The following IL1RAPL2 variants were observed in gnomAD, a reference collection of about 807,000 sequenced individuals.
The protein encoded by IL1RAPL2 is X-linked interleukin-1 receptor accessory protein-like 2.
A neutral mutation model predicts 44.1 loss-of-function variants in IL1RAPL2; 3 were observed. The ratio of observed to expected loss-of-function variants is 0.07; its 90% confidence interval spans 0.03 to 0.18. The LOEUF (loss-of-function observed/expected upper bound fraction) is 0.18, where lower values mean the gene tolerates loss of function less well. Ranked by LOEUF, IL1RAPL2 falls within the 10% of genes least tolerant of loss-of-function variation. The pLI is 1.00. For synonymous variants in IL1RAPL2, 181 were observed against 178.8 expected (o/e 1.01, Z -0.10); for missense variants, 391 against 496.4 (o/e 0.79, Z 2.02).
chrX:105,131,844 G>A (rs1478837280), intron 2 of IL1RAPL2, among the ~76,000 whole-genome samples: 1 of 111,426 alleles, frequency 9.0e-6, no homozygotes, highest in Non-Finnish European at 1.9e-5. Context: ...TCTCCAGAGA[G>A]GAAAAGTAAA....
intron 2 of IL1RAPL2, among the ~76,000 whole-genome samples, chrX:104,891,010 T>A (rs903625533): frequency 8.9e-6 from 1 of 112,200 alleles, no homozygotes; most frequent in Non-Finnish European, 1.9e-5. Flanking sequence ...TTCAGCTTTC[T>A]ACATATGGCT....
intron 5 of IL1RAPL2, among the ~76,000 whole-genome samples, chrX:105,411,849 A>G (rs930140877): frequency 6.2e-5 from 7 of 112,238 alleles, no homozygotes; most frequent in African/African-American, 2.3e-4. Flanking sequence ...ACTGCAGAAT[A>G]CACATTCTTC....
intron 2 of IL1RAPL2, among the ~76,000 whole-genome samples, chrX:104,894,914 G>GT (rs1406351470): frequency 8.9e-6 from 1 of 111,909 alleles, no homozygotes; most frequent in Non-Finnish European, 1.9e-5. Flanking sequence ...CATCTTTGTG[G>GT]TTTTATCTAC....
chrX:105,078,997 C>T (rs941719339), intron 2 of IL1RAPL2, among the ~76,000 whole-genome samples: 9 of 112,353 alleles, frequency 8.0e-5, no homozygotes, highest in Admixed American at 2.8e-4. Context: ...GGCGATGCCT[C>T]GCCCTGCTTC....
rs191147494 is a variant in IL1RAPL2, at chrX:105,147,562, G to A, written c.83-47913G>A. Among the ~76,000 whole-genome samples the A allele has an allele frequency of 2.7e-5, 3 of 111,486 alleles. No individual in the cohort carries two copies. The East Asian group carries it at 8.6e-4, about 32-fold the overall frequency. On this transcript the variant is annotated intron_variant, in intron 2 of 10. Transcript: ENST00000372582. Reference sequence around the variant, plus strand: ...ACTTTCTCTTTCTATGCCTGTTCTGGATATTTCATATACATGGAATCATAT... The same window carrying A: ...ACTTTCTCTTTCTATGCCTGTTCTGAATATTTCATATACATGGAATCATAT...
At chrX:105,019,742 C>A (rs1057265644) in intron 2 of IL1RAPL2, among the ~76,000 whole-genome samples, 1 of 111,498 alleles carries the variant, frequency 9.0e-6, no homozygotes, top group Non-Finnish European at 1.9e-5. Context: ...AATTATAGAA[C>A]TCAACTGTTC....
chrX:104,882,249 G>T (rs1286178531), intron 2 of IL1RAPL2, among the ~76,000 whole-genome samples: 1 of 112,292 alleles, frequency 8.9e-6, no homozygotes, highest in Admixed American at 9.4e-5. Context: ...CTTTTAAGAA[G>T]AATTCAAATG....
At chrX:104,869,301 A>T (rs1244585076) in intron 2 of IL1RAPL2, among the ~76,000 whole-genome samples, 2 of 111,530 alleles carry the variant, frequency 1.8e-5, no homozygotes, top group African/African-American at 6.5e-5. Flanking sequence ...AGAATGATTA[A>T]GTCAAGCTAG....
chrX:104,678,400 GAAGT>G (rs1930826741), intron 2 of IL1RAPL2, among the ~76,000 whole-genome samples: 1 of 111,895 alleles, frequency 8.9e-6, no homozygotes, highest in Admixed American at 9.4e-5. Context: ...CAATATAAAG[GAAGT>G]AGAACCCCAT....
chrX:105,279,281 G>A (rs1418788129), intron 5 of IL1RAPL2, among the ~76,000 whole-genome samples: 1 of 111,022 alleles, frequency 9.0e-6, no homozygotes, highest in Non-Finnish European at 1.9e-5. Flanking sequence ...TATAGATGTG[G>A]AAATTGAAAT....
At chrX:105,144,076 G>C (rs1259079422) in intron 2 of IL1RAPL2, among the ~76,000 whole-genome samples, 1 of 105,468 alleles carries the variant, frequency 9.5e-6, no homozygotes, top group Non-Finnish European at 1.9e-5. Flanking sequence ...TACAGTCAGA[G>C]TCTCCTTTCA....
chrX:105,648,730 A>G (rs1407280243), intron 6 of IL1RAPL2, among the ~76,000 whole-genome samples: 4 of 112,259 alleles, frequency 3.6e-5, no homozygotes, highest in African/African-American at 1.3e-4. Context: ...TCTGTTTTCC[A>G]AGGCAACAAA....
intron 2 of IL1RAPL2, among the ~76,000 whole-genome samples, chrX:104,847,168 C>G (rs1922075969): frequency 8.9e-6 from 1 of 111,835 alleles, no homozygotes. Context: ...ATGATAGTTC[C>G]TTTTGCTTTG....
chrX:104,860,426 C>T (rs1190833633), intron 2 of IL1RAPL2, among the ~76,000 whole-genome samples: 1 of 111,421 alleles, frequency 9.0e-6, no homozygotes, highest in Non-Finnish European at 1.9e-5. Context: ...GAAACATAAT[C>T]AATAATGATT....
intron 2 of IL1RAPL2, among the ~76,000 whole-genome samples, chrX:104,673,319 T>C (rs1483159624): frequency 1.8e-5 from 2 of 111,452 alleles, no homozygotes; most frequent in Non-Finnish European, 1.9e-5. Flanking sequence ...TACATATGGC[T>C]AGCCAGTTTT....
chrX:104,637,405 G>T (rs1188326584), intron 1 of IL1RAPL2, among the ~76,000 whole-genome samples: 1 of 111,436 alleles, frequency 9.0e-6, no homozygotes, highest in African/African-American at 3.3e-5. Context: ...GTTCCCAGAG[G>T]AAGACTTTCA....
At chrX:104,812,409 C>G (rs146023830) in intron 2 of IL1RAPL2, among the ~76,000 whole-genome samples, 1 of 111,697 alleles carries the variant, frequency 9.0e-6, no homozygotes, top group Non-Finnish European at 1.9e-5. Flanking sequence ...AAGAGAGCCA[C>G]TCTGTGTCAT....
At chrX:105,247,958 C>T (rs2034236373) in intron 4 of IL1RAPL2, among the ~76,000 whole-genome samples, 2 of 110,601 alleles carry the variant, frequency 1.8e-5, no homozygotes, top group Non-Finnish European at 3.8e-5. Context: ...ACATGCTATG[C>T]ATATCATGCT....
intron 2 of IL1RAPL2, among the ~76,000 whole-genome samples, chrX:104,934,454 T>C (rs1924981711): frequency 2.7e-5 from 3 of 111,468 alleles, no homozygotes; most frequent in African/African-American, 9.8e-5. Context: ...CAGTGGAGGC[T>C]GCAGAGAACA....
Sources: gnomAD v4.1 joint callset for allele counts (sites outside exome capture counted in the v4.1 genomes callset) on GRCh38, gnomAD v4.1.1 for gene constraint, MANE v1.5 for transcripts, NCBI Gene and HGNC (gene_info 2026-07-23, HGNC 2026-07-21) for gene names.